The following KIAA1671 variants were observed in gnomAD, a reference collection of about 807,000 sequenced individuals.
KIAA1671 encodes the protein KIAA1671, also known as uncharacterized protein KIAA1671.
KIAA1671 carries 52 observed loss-of-function variants against 131.2 expected under a neutral mutation model. That is an observed-to-expected ratio of 0.40 (90% CI 0.32 to 0.50). The LOEUF (loss-of-function observed/expected upper bound fraction) is 0.50, where lower values mean the gene tolerates loss of function less well. Among genes scored for constraint, KIAA1671 ranks in the 20% least tolerant of loss-of-function variants. KIAA1671 has a pLI of 0.73. For missense variants in KIAA1671, 2,360 were observed against 2,364.2 expected (o/e 1.00, Z 0.04); for synonymous variants, 1,003 against 961.6 (o/e 1.04, Z -0.80).
At chr22:25,004,575 C>T (rs1426186241) in intron 1 of KIAA1671, among the ~76,000 whole-genome samples, 1 of 152,186 alleles carries the variant, frequency 6.6e-6, no homozygotes, top group African/African-American at 2.4e-5. Context: ...TCCCTGCCCT[C>T]CAGGAAACAA....
intron 6 of KIAA1671, among the ~76,000 whole-genome samples, chr22:25,153,457 A>G (rs1190040736): frequency 1.3e-5 from 2 of 151,926 alleles, no homozygotes; most frequent in Non-Finnish European, 2.9e-5. Flanking sequence ...TGGTTGGGAA[A>G]CCCCATCCTA....
At chr22:24,953,594 G>A (rs913937633) in intron 1 of KIAA1671, among the ~76,000 whole-genome samples, 33 of 152,000 alleles carry the variant, frequency 2.2e-4, no homozygotes, top group African/African-American at 8.0e-4. Flanking sequence ...CCCCGATGGC[G>A]GCGCGGCCCA....
Position 25,038,879 on chromosome 22 carries a change from C to T in KIAA1671, c.1749C>T (p.Asp583=). The part of the protein sequence containing the change: ...EQKVSSNQDP[D]SCRGGSSVEA... ...AGGTTAGCTCTAACCAAGACCCCGA[C>T]AGCTGTCGCGGTGGAAGCTCAGTGG... The change falls in exon 5 of 13, where the codon GAC becomes GAT. Residue 583 remains aspartate, a synonymous_variant. Transcript: ENST00000358431. The T allele has an allele frequency of 3.9e-6, 6 of 1,551,788 alleles. No individual in the cohort carries two copies. The highest frequency in any genetic ancestry group is 2.4e-5 in the East Asian group (1 of 40,912).
chr22:24,999,151 G>C (rs895578205), intron 1 of KIAA1671, among the ~76,000 whole-genome samples: 2 of 152,090 alleles, frequency 1.3e-5, no homozygotes, highest in East Asian at 3.9e-4. Context: ...ATCACCACTT[G>C]GTAATGCCAG....
intron 6 of KIAA1671, among the ~76,000 whole-genome samples, chr22:25,118,681 A>G (rs925114893): frequency 2.0e-4 from 31 of 151,918 alleles, no homozygotes; most frequent in South Asian, 4.2e-4. Flanking sequence ...TCTCCTCCCA[A>G]CAACCCAAGA....
chr22:25,041,741 G>C (rs1396638234), intron 5 of KIAA1671, among the ~76,000 whole-genome samples: 1 of 111,434 alleles, frequency 9.0e-6, no homozygotes, highest in Non-Finnish European at 2.0e-5. Flanking sequence ...CTGGTTCTTT[G>C]TTTGTTTATT....
intron 9 of KIAA1671, among the ~76,000 whole-genome samples, chr22:25,180,764 T>C (rs1236515450): frequency 1.3e-5 from 2 of 152,174 alleles, no homozygotes; most frequent in Admixed American, 6.5e-5. Context: ...GAGAGTTCTC[T>C]CTCCCACTCC....
At chr22:25,164,916 C>T (rs1309284934) in intron 6 of KIAA1671, among the ~76,000 whole-genome samples, 1 of 149,724 alleles carries the variant, frequency 6.7e-6, no homozygotes, top group Non-Finnish European at 1.5e-5. Flanking sequence ...CTATTACACT[C>T]CAGCCTGGGC....
rs1158522254 is a variant in KIAA1671, at chr22:25,193,117, G to A, written c.*716G>A. 6.6e-6 allele frequency: 1 copy of A among 152,150 alleles called. No individual in the cohort carries two copies. The highest frequency in any genetic ancestry group is 2.4e-5 in the African/African-American group (1 of 41,438). The allele number at this position is 152,150 out of a possible 1,614,324, so 9.4% of individuals were successfully genotyped here. A position where few individuals can be genotyped will look rare whatever the true frequency, so the allele number is the denominator to read the frequency against. The stretch of plus-strand genomic sequence containing the variant: ...ATTCAGCTAATTTTCTTTGAAACTT[G>A]ATAGGTATATATGTGTTTACGTTAA... On this transcript the variant is annotated 3_prime_UTR_variant, in exon 13 of 13. Coordinates refer to ENST00000358431, the MANE Select transcript of KIAA1671 (RefSeq NM_001145206.2).
intron 6 of KIAA1671, among the ~76,000 whole-genome samples, chr22:25,099,260 C>T (rs1197013193): frequency 1.3e-5 from 2 of 152,096 alleles, no homozygotes; most frequent in African/African-American, 2.4e-5. Flanking sequence ...CGTTTTTCTC[C>T]CCTTTTAAAG....
At chr22:24,984,059 T>A (rs1923378435) in intron 1 of KIAA1671, among the ~76,000 whole-genome samples, 1 of 152,062 alleles carries the variant, frequency 6.6e-6, no homozygotes, top group Non-Finnish European at 1.5e-5. Flanking sequence ...ATTACAGGTG[T>A]GAGCAACCGC....
Position 25,039,247 on chromosome 22 carries a change from C to G in KIAA1671, c.2117C>G (p.Pro706Arg), listed in dbSNP as rs1245998705. 14 of 1,552,222 alleles carry G rather than the reference C, an allele frequency of 9.0e-6. No homozygotes were observed. In the African/African-American group the frequency reaches 1.1e-4, roughly 12 times the overall value. The stretch of plus-strand genomic sequence containing the variant: ...CACACGCCTCTCCGGGACAAATACC[C>G]TTTGTCTGAAAACCACAATAATAAC... ...PYHTPLRDKY[P>R]LSENHNNNTF... Residue 706 changes from proline to arginine, a missense_variant, in exon 5 of 13, where the codon CCT (proline) becomes CGT (arginine). By Grantham distance (103) the Pro-to-Arg change is moderately radical (BLOSUM62 -2). This residue lies in a region of KIAA1671 where 1,185 missense variants were observed against 1,126.2 expected (regional missense o/e 1.05). Coordinates refer to ENST00000358431, the MANE Select transcript of KIAA1671 (RefSeq NM_001145206.2).
intron 1 of KIAA1671, among the ~76,000 whole-genome samples, chr22:25,006,907 TA>T (rs1924778104): frequency 6.6e-6 from 1 of 152,182 alleles, no homozygotes; most frequent in African/African-American, 2.4e-5. Flanking sequence ...AGCCTTAACT[TA>T]ATCACATCTG....
chr22:24,978,020 C>T (rs775374155), intron 1 of KIAA1671, among the ~76,000 whole-genome samples: 1 of 152,112 alleles, frequency 6.6e-6, no homozygotes, highest in Non-Finnish European at 1.5e-5. Context: ...TAGCAGTTAA[C>T]GTATTGAACA....
intron 6 of KIAA1671, among the ~76,000 whole-genome samples, chr22:25,100,891 C>T (rs1930627129): frequency 6.6e-6 from 1 of 152,096 alleles, no homozygotes; most frequent in Admixed American, 6.5e-5. Flanking sequence ...AAGGCCTTCT[C>T]ATTTTTTCAA....
intron 6 of KIAA1671, among the ~76,000 whole-genome samples, chr22:25,162,305 C>T (rs1933473748): frequency 6.6e-6 from 1 of 152,188 alleles, no homozygotes. Context: ...GTCCCCCACG[C>T]TGGCCTGGGC....
rs1412388827 is a variant in KIAA1671 at position 25,193,972 on chromosome 22, T to G, written c.*1571T>G. On this transcript the variant is annotated 3_prime_UTR_variant, in exon 13 of 13. Transcript: ENST00000358431. ...CCATTTGGGGATTCATGCCTGCAAC[T>G]GCTTCAGTCGAATTCTTTTTTAAAG... 1 of 152,246 alleles carries G rather than the reference T, an allele frequency of 6.6e-6. No individual in the cohort carries two copies. The highest frequency in any genetic ancestry group is 1.5e-5 in the Non-Finnish European group (1 of 68,042). 9.4% of individuals were successfully genotyped at this position (152,246 alleles called of 1,614,324 possible).
chr22:25,045,378 T>C (rs887295284), intron 5 of KIAA1671, among the ~76,000 whole-genome samples: 1 of 152,184 alleles, frequency 6.6e-6, no homozygotes, highest in Non-Finnish European at 1.5e-5. Context: ...TAGCGTCTCA[T>C]GGGTAGAAGC....
At chr22:25,049,460 G>C (rs1484832313) in intron 6 of KIAA1671, 96 bp downstream of exon 6, 5 of 1,385,948 alleles carry the variant, frequency 3.6e-6, no homozygotes, top group Non-Finnish European at 4.8e-6. Flanking sequence ...GACAGCCCAG[G>C]GCCCTGACGG....
Sources: allele counts gnomAD v4.1 joint callset (sites outside exome capture counted in the v4.1 genomes callset), GRCh38; gene constraint gnomAD v4.1.1; regional missense constraint gnomAD v4.1.1; transcripts MANE v1.5; gene names NCBI Gene and HGNC (gene_info 2026-07-23, HGNC 2026-07-21).